Variants in WWOX observed in about 807,000 individuals in gnomAD.
WWOX encodes the protein WW domain containing oxidoreductase.
A neutral mutation model predicts 46.2 loss-of-function variants in WWOX; 69 were observed. The observed-to-expected ratio is 1.49, with a 90% CI of 1.23 to 1.82. The LOEUF is 1.82. WWOX is among the 40% of genes most tolerant of loss of function. The pLI, the probability that WWOX is intolerant of heterozygous loss-of-function variation, is 0.00. For missense variants in WWOX, 919 were observed against 542.6 expected (o/e 1.69, Z -6.89); for synonymous variants, 359 against 202.6 (o/e 1.77, Z -6.56).
intron 8 of WWOX, among the ~76,000 whole-genome samples, chr16:79,070,711 G>A (rs1268734135): frequency 6.6e-6 from 1 of 152,116 alleles, no homozygotes; most frequent in Non-Finnish European, 1.5e-5. Context: ...TTTAGTCAGT[G>A]GTGCAAGCTT....
At chr16:78,944,538 T>A (rs955761338) in intron 8 of WWOX, among the ~76,000 whole-genome samples, 10 of 152,206 alleles carry the variant, frequency 6.6e-5, no homozygotes, top group African/African-American at 2.2e-4. Context: ...CTGTATCGAA[T>A]CAAGCTGTGG....
chr16:78,905,460 C>A (rs965364119), intron 8 of WWOX, among the ~76,000 whole-genome samples: 1 of 152,198 alleles, frequency 6.6e-6, no homozygotes, highest in African/African-American at 2.4e-5. Context: ...TGGCTTACTG[C>A]AGACTCAACC....
chr16:78,724,993 G>T (rs13337477), intron 8 of WWOX, among the ~76,000 whole-genome samples: 295 of 152,198 alleles, frequency 1.9e-3, no homozygotes, highest in African/African-American at 7.0e-3. Context: ...ATATGGTTTG[G>T]CTGTGTCCCC....
intron 8 of WWOX, among the ~76,000 whole-genome samples, chr16:78,790,796 G>A (rs1384117127): frequency 6.6e-6 from 1 of 151,934 alleles, no homozygotes; most frequent in African/African-American, 2.4e-5. Context: ...GAAGTGGGAG[G>A]ATCACTTAAG....
At chr16:79,096,359 G>A (rs543065051) in intron 8 of WWOX, among the ~76,000 whole-genome samples, 42 of 152,116 alleles carry the variant, frequency 2.8e-4, no homozygotes, top group African/African-American at 9.2e-4. Context: ...GGCATCCTGC[G>A]TCCTCTCCCT....
chr16:78,887,265 T>C (rs954864485), intron 8 of WWOX, among the ~76,000 whole-genome samples: 4 of 152,016 alleles, frequency 2.6e-5, no homozygotes, highest in African/African-American at 9.7e-5. Context: ...TATTTCATTA[T>C]ACCAGCAATT....
chr16:79,105,194 C>T (rs1450165938), intron 8 of WWOX, among the ~76,000 whole-genome samples: 1 of 152,126 alleles, frequency 6.6e-6, no homozygotes, highest in East Asian at 1.9e-4. Flanking sequence ...CGAGTGGTGA[C>T]AGTGACAAAA....
At chr16:78,589,310 A>G (rs373013660) in intron 8 of WWOX, among the ~76,000 whole-genome samples, 2 of 152,364 alleles carry the variant, frequency 1.3e-5, no homozygotes, top group South Asian at 2.1e-4. Context: ...TCCATTCTGT[A>G]TTAGTCCTCC....
At chr16:79,205,271 A>G (rs1411064954) in intron 8 of WWOX, 1 of 152,218 alleles carries the variant, frequency 6.6e-6, no homozygotes, top group Non-Finnish European at 1.5e-5. Context: ...TCTCTGAGCC[A>G]CGGCCATCAA....
chr16:79,194,403 C>G (rs149040566), intron 8 of WWOX, among the ~76,000 whole-genome samples: 32 of 152,262 alleles, frequency 2.1e-4, no homozygotes, highest in Non-Finnish European at 3.5e-4. Flanking sequence ...AGATCACAGT[C>G]TAACAGCACA....
Position 78,386,950 on chromosome 16 carries a change from TGAGTGTTCCAGTG to T in WWOX, c.605+6_605+18del, listed in dbSNP as rs775621555. 5.6e-6 allele frequency: 9 copies of T among 1,613,636 alleles called. No individual in the cohort carries two copies. The highest frequency in any genetic ancestry group is 7.6e-6 in the Non-Finnish European group (9 of 1,179,570). ...TGAAGCATTCAAGGCCAAGAATGTG[TGAGTGTTCCAGTG>T]GAGGGTTATAGATCATAATTTCTTG... On this transcript the variant is annotated splice_donor_5th_base_variant and intron_variant, in intron 6 of 8. Transcript: ENST00000566780.
At chr16:78,400,422 T>G (rs2082384805) in intron 6 of WWOX, among the ~76,000 whole-genome samples, 1 of 152,138 alleles carries the variant, frequency 6.6e-6, no homozygotes, top group African/African-American at 2.4e-5. Flanking sequence ...AGGAATCAGC[T>G]GGGAATCGAA....
chr16:78,654,909 G>A (rs1165351905), intron 8 of WWOX, among the ~76,000 whole-genome samples: 1 of 151,986 alleles, frequency 6.6e-6, no homozygotes, highest in Non-Finnish European at 1.5e-5. Context: ...GTATGTGTGT[G>A]CATGAGTATC....
chr16:78,561,769 G>T (rs1323053331), intron 8 of WWOX, among the ~76,000 whole-genome samples: 1 of 152,162 alleles, frequency 6.6e-6, no homozygotes, highest in Non-Finnish European at 1.5e-5. Context: ...CTTCACCTGT[G>T]AGCCGAGCAA....
chr16:78,187,417 C>T (rs2035744418), intron 5 of WWOX, among the ~76,000 whole-genome samples: 1 of 152,188 alleles, frequency 6.6e-6, no homozygotes, highest in South Asian at 2.1e-4. Context: ...TCTAGACCAA[C>T]ATGGTGAAAA....
intron 5 of WWOX, among the ~76,000 whole-genome samples, chr16:78,171,102 C>G (rs953222695): frequency 1.3e-5 from 2 of 152,208 alleles, no homozygotes; most frequent in Non-Finnish European, 2.9e-5. Context: ...AGGGAGCACT[C>G]AGTACCAACC....
chr16:78,725,115 A>C (rs2048793942), intron 8 of WWOX, among the ~76,000 whole-genome samples: 1 of 152,070 alleles, frequency 6.6e-6, no homozygotes, highest in Non-Finnish European at 1.5e-5. Context: ...TTCTTGGGGT[A>C]GTGAATGAAT....
At chr16:78,496,419 T>C (rs531341881) in intron 8 of WWOX, 1 of 152,380 alleles carries the variant, frequency 6.6e-6, no homozygotes, top group African/African-American at 2.4e-5. Context: ...GAGAATTTCC[T>C]ATCTGTGATG....
At chr16:78,257,503 A>G (rs907233950) in intron 5 of WWOX, among the ~76,000 whole-genome samples, 2 of 152,282 alleles carry the variant, frequency 1.3e-5, no homozygotes, top group Non-Finnish European at 2.9e-5. Flanking sequence ...TGTCTCAAAC[A>G]ATATAAATCA....
Sources: gnomAD v4.1 joint callset for allele counts (sites outside exome capture counted in the v4.1 genomes callset) on GRCh38, gnomAD v4.1.1 for gene constraint, MANE v1.5 for transcripts, NCBI Gene and HGNC (gene_info 2026-07-23, HGNC 2026-07-21) for gene names.